The following KCNH1 variants were observed in gnomAD, a reference collection of about 807,000 sequenced individuals.
KCNH1 encodes the protein voltage-gated delayed rectifier potassium channel KCNH1.
Under a neutral mutation model 69.2 loss-of-function variants are expected in KCNH1, and 27 were observed. The observed-to-expected ratio is 0.39, with a 90% CI of 0.29 to 0.54. The LOEUF is 0.54. Ranked by LOEUF, KCNH1 falls within the 20% of genes least tolerant of loss-of-function variation. The pLI, the probability that KCNH1 is intolerant of heterozygous loss-of-function variation, is 0.68. For missense variants in KCNH1, 798 were observed against 1,261.6 expected, an observed-to-expected ratio of 0.63 and a Z score of 5.57; for synonymous variants, 456 against 487.7, an observed-to-expected ratio of 0.93 and a Z score of 0.86.
intron 7 of KCNH1, among the ~76,000 whole-genome samples, chr1:210,856,929 G>A (rs901330598): frequency 4.5e-4 from 54 of 119,224 alleles, no homozygotes; most frequent in Non-Finnish European, 1.3e-4. Flanking sequence ...TTACTCTGGA[G>A]GTGCTCATTT....
intron 6 of KCNH1, among the ~76,000 whole-genome samples, chr1:211,002,327 T>C (rs1429533910): frequency 5.5e-5 from 3 of 54,402 alleles, no homozygotes; most frequent in Admixed American, 1.5e-4. Context: ...TATATATATA[T>C]GTGTGTGTGT....
rs553917702 is a variant in KCNH1 at position 210,683,232 on chromosome 1, C to T, written c.*49G>A. Reference sequence around the variant, plus strand: ...ACATATGTGGTAGGGGTGGTGGTGACGGCAGGGTTGGAGGTATCTGTCTCT... The same window carrying T: ...ACATATGTGGTAGGGGTGGTGGTGATGGCAGGGTTGGAGGTATCTGTCTCT... On this transcript the variant is annotated 3_prime_UTR_variant, in exon 11 of 11. Transcript: ENST00000271751. This position sits in a 1 kb window ranked among gnomAD's most constrained non-coding sequence, Gnocchi z 5.7. 6.0e-5 allele frequency: 93 copies of T among 1,557,246 alleles called. No individual in the cohort carries two copies. The highest frequency in any genetic ancestry group is 1.7e-4 in the Middle Eastern group (1 of 5,772).
chr1:210,723,714 A>G (rs1682526908), intron 10 of KCNH1, among the ~76,000 whole-genome samples: 1 of 151,894 alleles, frequency 6.6e-6, no homozygotes, highest in African/African-American at 2.4e-5. Flanking sequence ...GGGAAAACAT[A>G]CCAAAAAACC....
At chr1:210,762,752 G>T (rs1029500485) in intron 10 of KCNH1, among the ~76,000 whole-genome samples, 2 of 151,958 alleles carry the variant, frequency 1.3e-5, no homozygotes, top group African/African-American at 4.8e-5. Flanking sequence ...ACCAACAAAA[G>T]CCCTGGACCA....
At chr1:210,745,784 A>G (rs1286609595) in intron 10 of KCNH1, among the ~76,000 whole-genome samples, 1 of 150,888 alleles carries the variant, frequency 6.6e-6, no homozygotes, top group Non-Finnish European at 1.5e-5. Flanking sequence ...TTTTCAGGGG[A>G]GGCCTTAGGG....
At chr1:211,015,803 A>C (rs1172715492) in intron 6 of KCNH1, among the ~76,000 whole-genome samples, 1 of 152,190 alleles carries the variant, frequency 6.6e-6, no homozygotes, top group Non-Finnish European at 1.5e-5. Context: ...ATACCAAGAG[A>C]ACTAAAAGCC....
intron 9 of KCNH1, among the ~76,000 whole-genome samples, chr1:210,794,709 A>G (rs1684274293): frequency 6.6e-6 from 1 of 152,328 alleles, no homozygotes; most frequent in East Asian, 1.9e-4. Flanking sequence ...GGATGCCCTG[A>G]GCATGGAAAG....
chr1:211,081,931 C>G (rs1358220176), intron 5 of KCNH1, among the ~76,000 whole-genome samples: 2 of 151,984 alleles, frequency 1.3e-5, no homozygotes, highest in African/African-American at 4.8e-5. Context: ...TAAGCCTGCA[C>G]TTTGTGCACA....
intron 10 of KCNH1, among the ~76,000 whole-genome samples, chr1:210,698,033 A>G (rs889408768): frequency 7.9e-5 from 12 of 152,224 alleles, no homozygotes; most frequent in African/African-American, 1.9e-4. Context: ...CCTTCTGTCA[A>G]TATACACAAA....
intron 7 of KCNH1, among the ~76,000 whole-genome samples, chr1:210,824,788 T>A (rs1685002431): frequency 6.6e-6 from 1 of 152,308 alleles, no homozygotes; most frequent in Admixed American, 6.5e-5. Context: ...ATCAATGAAC[T>A]TTTCATACTC....
intron 10 of KCNH1, among the ~76,000 whole-genome samples, chr1:210,767,660 A>G (rs1440052832): frequency 6.6e-6 from 1 of 152,214 alleles, no homozygotes; most frequent in African/African-American, 2.4e-5. Flanking sequence ...GACATCAAGA[A>G]GCCAACTTGC....
chr1:210,820,930 G>C (rs116871065), intron 7 of KCNH1, among the ~76,000 whole-genome samples: 1 of 152,248 alleles, frequency 6.6e-6, no homozygotes, highest in East Asian at 1.9e-4. Flanking sequence ...CTGACACTTT[G>C]ATTTTAGACT....
At chr1:210,907,567 A>G (rs1687130663) in intron 7 of KCNH1, among the ~76,000 whole-genome samples, 1 of 151,690 alleles carries the variant, frequency 6.6e-6, no homozygotes, top group South Asian at 2.1e-4. Flanking sequence ...AAAGCATTCT[A>G]TTATTGGCAG....
chr1:211,097,505 T>C (rs1228617681), intron 3 of KCNH1, among the ~76,000 whole-genome samples: 1 of 152,256 alleles, frequency 6.6e-6, no homozygotes, highest in African/African-American at 2.4e-5. Context: ...TCAATATGTC[T>C]ATGATTTACA....
At chr1:210,815,701 C>G (rs575416381) in intron 7 of KCNH1, among the ~76,000 whole-genome samples, 1 of 152,140 alleles carries the variant, frequency 6.6e-6, no homozygotes, top group Non-Finnish European at 1.5e-5. Context: ...ACCCACCAGG[C>G]CACCAGGAGG....
At chr1:211,093,311 T>C (rs1469115803) in intron 3 of KCNH1, among the ~76,000 whole-genome samples, 1 of 152,190 alleles carries the variant, frequency 6.6e-6, no homozygotes, top group African/African-American at 2.4e-5. Context: ...AACAGGTCCA[T>C]TTGTTTAAAG....
intron 7 of KCNH1, among the ~76,000 whole-genome samples, chr1:210,876,626 G>C (rs995514276): frequency 1.5e-4 from 23 of 152,096 alleles, no homozygotes; most frequent in Admixed American, 1.2e-3. Flanking sequence ...TTCTATCTCT[G>C]TGGGGTCTCT....
chr1:210,929,580 A>G (rs1212178778), intron 6 of KCNH1, among the ~76,000 whole-genome samples: 1 of 152,182 alleles, frequency 6.6e-6, no homozygotes, highest in Non-Finnish European at 1.5e-5. Flanking sequence ...CACACAGAAC[A>G]GGGAAAAGTT....
rs1691147922 is a variant in KCNH1 at position 211,096,114 on chromosome 1, G to T, written c.311-5424C>A. The stretch of plus-strand genomic sequence containing the variant: ...AGTCTCACTCTATTGCCTAGGCTGG[G>T]GTGCAGTGGCGCAATCTCAGCTCAC... On this transcript the variant is annotated intron_variant, in intron 3 of 10. Transcript: ENST00000271751. 2.0e-5 allele frequency among the ~76,000 whole-genome samples: 3 copies of T among 150,946 alleles called. No individual in the cohort carries two copies. In the South Asian group the frequency reaches 6.4e-4, roughly 32 times the overall value.
Sources: gnomAD v4.1 joint callset for allele counts (sites outside exome capture counted in the v4.1 genomes callset) on GRCh38, gnomAD v4.1.1 for gene constraint, Gnocchi (gnomAD v3.1) non-coding constraint, MANE v1.5 for transcripts, NCBI Gene and HGNC (gene_info 2026-07-23, HGNC 2026-07-21) for gene names.